Variants in MBLAC2 observed in about 807,000 individuals in gnomAD.
The protein encoded by MBLAC2 is metallo-beta-lactamase domain containing 2.
Under a neutral mutation model 23.3 loss-of-function variants are expected in MBLAC2, and 24 were observed. The observed-to-expected ratio is 1.03, with a 90% CI of 0.75 to 1.45. MBLAC2 has a LOEUF of 1.45. Among genes scored for constraint, MBLAC2 ranks in the 40% most tolerant of loss-of-function variants. The pLI is 0.00. For missense variants in MBLAC2, 358 were observed against 370.0 expected (o/e 0.97, Z 0.27); for synonymous variants, 162 against 150.9 (o/e 1.07, Z -0.54).
chr5:90,464,817 T>C (rs1005302251), intron 1 of MBLAC2, among the ~76,000 whole-genome samples: 2 of 152,188 alleles, frequency 1.3e-5, no homozygotes, highest in Non-Finnish European at 2.9e-5. Flanking sequence ...AAAAAGCATA[T>C]GACAAAATCC....
In MBLAC2 at chr5:90,458,944, G is replaced by A; in HGVS notation, c.*2223C>T. On this transcript the variant is annotated 3_prime_UTR_variant, in exon 2 of 2. Coordinates refer to ENST00000316610, the MANE Select transcript of MBLAC2 (RefSeq NM_203406.2). ...TTGGGAAATTAAAAAATAATAATGT[G>A]TTTTGAAAAATTGCACTTTTTATAA... 6.6e-6 allele frequency: 1 copy of A among 152,530 alleles called. No individual in the cohort carries two copies. Among genetic ancestry groups the A allele is most frequent in the South Asian group, 2.1e-4 (1 of 4,824 alleles). The allele number at this position is 152,530 out of a possible 1,614,324, so 9.4% of individuals were successfully genotyped here. A position where few individuals can be genotyped will look rare whatever the true frequency, so the allele number is the denominator to read the frequency against.
rs958736707 is a variant in MBLAC2, at chr5:90,460,064, T to G, written c.*1103A>C. On this transcript the variant is annotated 3_prime_UTR_variant, in exon 2 of 2. Transcript: ENST00000316610. Reference sequence around the variant, plus strand: ...ACTAAAACTTTTTACTAAATAGTGGTATAACCTTTTATATGACTTTACGAA... The same window carrying G: ...ACTAAAACTTTTTACTAAATAGTGGGATAACCTTTTATATGACTTTACGAA... 2 of 152,610 alleles carry G rather than the reference T, an allele frequency of 1.3e-5. No individual in the cohort carries two copies. The highest frequency in any genetic ancestry group is 2.9e-5 in the Non-Finnish European group (2 of 67,994). 9.5% of individuals were successfully genotyped at this position (152,610 alleles called of 1,614,324 possible). A position where few individuals can be genotyped will look rare whatever the true frequency, so the allele number is the denominator to read the frequency against.
intron 1 of MBLAC2, chr5:90,473,611 T>G (rs1213755678): frequency 3.0e-6 from 2 of 674,994 alleles, no homozygotes; most frequent in East Asian, 5.4e-5. Context: ...AAAGGAGTAC[T>G]CAGAATCTCT....
rs114047310 is a variant in MBLAC2 at position 90,473,235 on chromosome 5, G to A, written c.454+604C>T. The A allele has an allele frequency of 6.4e-3, 1,074 of 167,166 alleles. 11 individuals are homozygous for A. Among genetic ancestry groups the A allele is most frequent in the African/African-American group, 0.024 (1,018 of 41,704 alleles). The allele number at this position is 167,166 out of a possible 1,614,324, so 10.4% of individuals were successfully genotyped here. On this transcript the variant is annotated intron_variant, in intron 1 of 1. Transcript: ENST00000316610. ...AGACTCAGACATATTCTACGTTTAT[G>A]ATTACTATTAAGCTTTTGCAATCGT... is the stretch of plus-strand genomic sequence containing the variant.
At chr5:90,466,503 G>C (rs911806396) in intron 1 of MBLAC2, among the ~76,000 whole-genome samples, 1 of 152,088 alleles carries the variant, frequency 6.6e-6, no homozygotes, top group Non-Finnish European at 1.5e-5. Context: ...GACAAAAATT[G>C]CTAACTGGAC....
At chr5:90,462,956 TA>T (rs1750389070) in intron 1 of MBLAC2, among the ~76,000 whole-genome samples, 1 of 152,048 alleles carries the variant, frequency 6.6e-6, no homozygotes, top group Non-Finnish European at 1.5e-5. Flanking sequence ...CAACAGGCTA[TA>T]AAGCTAGGCC....
intron 1 of MBLAC2, among the ~76,000 whole-genome samples, chr5:90,463,436 C>T (rs1750399216): frequency 1.3e-5 from 2 of 151,704 alleles, no homozygotes; most frequent in South Asian, 2.1e-4. Flanking sequence ...TTAGGAAGAA[C>T]AAAAATAAAT....
chr5:90,465,055 A>G (rs1394437274), intron 1 of MBLAC2, among the ~76,000 whole-genome samples: 1 of 152,240 alleles, frequency 6.6e-6, no homozygotes, highest in Non-Finnish European at 1.5e-5. Context: ...CTCACAGATT[A>G]GAAAAGAAAA....
intron 1 of MBLAC2, 44 bp from the exon 2 acceptor site, chr5:90,461,596 TG>T (rs760306236): frequency 1.3e-6 from 2 of 1,542,350 alleles, no homozygotes; most frequent in Middle Eastern, 1.8e-4. Flanking sequence ...GTTGTATACT[TG>T]ACTTAGCATG....
At chr5:90,470,150 C>T (rs1382356344) in intron 1 of MBLAC2, among the ~76,000 whole-genome samples, 6 of 152,116 alleles carry the variant, frequency 3.9e-5, no homozygotes, top group Admixed American at 1.3e-4. Context: ...AAATATCCCA[C>T]GTTTATACTC....
At position 90,473,984 on chromosome 5, in the gene MBLAC2, G is replaced by A; in HGVS notation, c.309C>T (p.Ala103=). ...YQFDRVAVHH[A]EAEALARGDN... is the part of the protein sequence containing the mutation. Reference sequence around the variant, plus strand: ...CCCCGCGAGCCAGCGCCTCGGCCTCGGCGTGGTGCACTGCCACGCGGTCGA... The same window carrying A: ...CCCCGCGAGCCAGCGCCTCGGCCTCAGCGTGGTGCACTGCCACGCGGTCGA... Residue 103 remains alanine (A), a synonymous_variant, in exon 1 of 2, where the codon GCC becomes GCT. Coordinates refer to ENST00000316610, the MANE Select transcript of MBLAC2 (RefSeq NM_203406.2). The A allele has an allele frequency of 6.3e-7, 1 of 1,598,742 alleles. No individual in the cohort carries two copies. The highest frequency in any genetic ancestry group is 8.5e-7 in the Non-Finnish European group (1 of 1,173,770).
intron 1 of MBLAC2, among the ~76,000 whole-genome samples, chr5:90,465,702 G>A (rs1750435742): frequency 6.6e-6 from 1 of 151,992 alleles, no homozygotes; most frequent in Non-Finnish European, 1.5e-5. Context: ...CAAGTAGCTG[G>A]GACTACAGGT....
In MBLAC2 at chr5:90,474,184, C is replaced by T; in HGVS notation, c.109G>A (p.Gly37Ser). Residue 37 changes from glycine to serine, a missense_variant, in exon 1 of 2, where the codon GGC becomes AGC. By Grantham distance (56) the Gly-to-Ser change is moderately conservative. Transcript: ENST00000316610. ...TCGATCACCACGTCCTGCTCGGAGC[C>T]GCGCACCAGCCAGATGTTGGCACGG... ...GNRANIWLVRGSEQDVVIDTG... is the reference protein window; with the variant it reads ...GNRANIWLVRSSEQDVVIDTG... 6.2e-7 allele frequency: 1 copy of T among 1,607,900 alleles called. No individual in the cohort carries two copies. The highest frequency in any genetic ancestry group is 1.1e-5 in the South Asian group (1 of 90,008).
chr5:90,473,763 G>C, intron 1 of MBLAC2, 76 bp downstream of exon 1: 1 of 1,374,028 alleles, frequency 7.3e-7, no homozygotes, highest in Non-Finnish European at 1.0e-6. Context: ...ACGCAAGTCT[G>C]CAACATGCGG....
chr5:90,461,540 T>C lies in MBLAC2; in HGVS notation c.467A>G (p.Asn156Ser), dbSNP rs1750370177. Residue 156 changes from asparagine (N) to serine (S), a missense_variant, in exon 2 of 2, where the codon AAC (asparagine) becomes AGC (serine). Coordinates refer to ENST00000316610, the MANE Select transcript of MBLAC2 (RefSeq NM_203406.2). ...AACAGTGAGCTGTCTGTCACCAAGG[T>C]TGATCACATCCCCTACAAATGGAAA... ...TLILQDGDVI[N>S]LGDRQLTVMH... is the part of the protein sequence containing the mutation. 1 of 1,609,774 alleles carries C rather than the reference T, an allele frequency of 6.2e-7. No homozygotes were observed. Among genetic ancestry groups the C allele is most frequent in the South Asian group, 1.1e-5 (1 of 90,320 alleles).
At chr5:90,461,658 A>C in intron 1 of MBLAC2, 106 bp from the exon 2 acceptor site, 2 of 1,023,648 alleles carry the variant, frequency 2.0e-6, no homozygotes, top group Non-Finnish European at 2.8e-6. Context: ...GAAGGATGAC[A>C]CTTTATTTCA....
In MBLAC2 at chr5:90,459,210, A is replaced by G. The variant is rs1048928690; in HGVS notation, c.*1957T>C. The G allele has an allele frequency of 6.6e-6, 1 of 152,512 alleles. No individual in the cohort carries two copies. The highest frequency in any genetic ancestry group is 2.4e-5 in the African/African-American group (1 of 41,442). The allele number at this position is 152,512 out of a possible 1,614,324, so 9.4% of individuals were successfully genotyped here. A position where few individuals can be genotyped will look rare whatever the true frequency, so the allele number is the denominator to read the frequency against. ...TGCACTCAGTTGAAAGAGACCTACT[A>G]CCTTGAATGACCATCATAGAGAAAT... On this transcript the variant is annotated 3_prime_UTR_variant, in exon 2 of 2. Transcript: ENST00000316610.
intron 1 of MBLAC2, among the ~76,000 whole-genome samples, chr5:90,467,569 T>G (rs888998877): frequency 3.9e-5 from 6 of 152,276 alleles, no homozygotes; most frequent in Non-Finnish European, 8.8e-5. Flanking sequence ...TGAGTCTTTA[T>G]GTGTTAGGTG....
chr5:90,474,364 G>T lies in MBLAC2; in HGVS notation c.-72C>A. 6.5e-6 allele frequency: 9 copies of T among 1,382,592 alleles called. No individual in the cohort carries two copies. Among genetic ancestry groups the T allele is most frequent in the Non-Finnish European group, 7.1e-6 (7 of 985,474 alleles). 85.6% of individuals were successfully genotyped at this position (1,382,592 alleles called of 1,614,324 possible). A position where few individuals can be genotyped will look rare whatever the true frequency, so the allele number is the denominator to read the frequency against. ...CTCCCACAGGCTGTCCACACACAGGGCACTGCGGCTGTGTGAAGCGGTCTG... is the reference window on the plus strand; with the variant it reads ...CTCCCACAGGCTGTCCACACACAGGTCACTGCGGCTGTGTGAAGCGGTCTG... On this transcript the variant is annotated 5_prime_UTR_variant, in exon 1 of 2. Coordinates refer to ENST00000316610, the MANE Select transcript of MBLAC2 (RefSeq NM_203406.2).
Sources: allele counts gnomAD v4.1 joint callset (sites outside exome capture counted in the v4.1 genomes callset), GRCh38; gene constraint gnomAD v4.1.1; transcripts MANE v1.5; gene names NCBI Gene and HGNC (gene_info 2026-07-23, HGNC 2026-07-21).